UVRAG: variants seen among roughly 807,000 people sequenced by gnomAD.
UVRAG encodes the protein UV radiation resistance-associated gene protein.
In UVRAG, 19 loss-of-function variants were observed where a neutral mutation model predicts 78.0. The observed-to-expected ratio is 0.24, with a 90% confidence interval of 0.17 to 0.36. The LOEUF is 0.36. Ranked by LOEUF, UVRAG falls within the 10% of genes least tolerant of loss-of-function variation. The pLI is 1.00. For missense variants in UVRAG, 740 were observed against 853.8 expected, an observed-to-expected ratio of 0.87 and a Z score of 1.66; for synonymous variants, 323 against 324.6, an observed-to-expected ratio of 1.00 and a Z score of 0.05.
At chr11:76,040,933 T>C (rs1950637643) in intron 12 of UVRAG, among the ~76,000 whole-genome samples, 1 of 152,094 alleles carries the variant, frequency 6.6e-6, no homozygotes, top group Admixed American at 6.6e-5. Context: ...GAGGGTTTGG[T>C]TGAAGTTACT....
At chr11:76,002,894 G>A (rs1173896118) in intron 8 of UVRAG, among the ~76,000 whole-genome samples, 1 of 152,064 alleles carries the variant, frequency 6.6e-6, no homozygotes, top group Non-Finnish European at 1.5e-5. Flanking sequence ...TGGACAACAT[G>A]GTGAAACCCT....
chr11:75,887,363 CA>C (rs1415403153), intron 4 of UVRAG, among the ~76,000 whole-genome samples: 1 of 150,952 alleles, frequency 6.6e-6, no homozygotes, highest in East Asian at 2.0e-4. Context: ...CCAGGCTGGT[CA>C]CAAACTGCTG....
At chr11:76,116,926 C>G (rs1952193186) in intron 14 of UVRAG, among the ~76,000 whole-genome samples, 1 of 152,154 alleles carries the variant, frequency 6.6e-6, no homozygotes, top group Admixed American at 6.5e-5. Context: ...GATGTCTGGT[C>G]TTAGATAGGA....
intron 13 of UVRAG, among the ~76,000 whole-genome samples, chr11:76,115,209 C>G (rs1460818678): frequency 6.6e-6 from 1 of 152,182 alleles, no homozygotes; most frequent in African/African-American, 2.4e-5. Context: ...CAGAAGGACA[C>G]TTAATTTTAG....
At chr11:75,938,961 C>T (rs1380546298) in intron 6 of UVRAG, among the ~76,000 whole-genome samples, 1 of 152,108 alleles carries the variant, frequency 6.6e-6, no homozygotes, top group Non-Finnish European at 1.5e-5. Context: ...ACTCTGAAGC[C>T]TGGAAACTTT....
In UVRAG at chr11:76,140,758, G is replaced by A; in HGVS notation, c.1445G>A (p.Ser482Asn). ...GCAATCCCTGTTCCTAAGAGACAAA[G>A]CTCCATATTTGGGGGTGCAGATGTA... is the stretch of plus-strand genomic sequence containing the variant. Reference protein sequence around the residue: ...SSAIPVPKRQSSIFGGADVGF... With the variant: ...SSAIPVPKRQNSIFGGADVGF... Residue 482 changes from serine to asparagine, a missense_variant, in exon 15 of 15, where the codon AGC becomes AAC. By Grantham distance (46) the Ser-to-Asn change is conservative (BLOSUM62 1). Transcript: ENST00000356136. The A allele has an allele frequency of 1.9e-6, 3 of 1,610,816 alleles. No homozygotes were observed. The highest frequency in any genetic ancestry group is 2.5e-6 in the Non-Finnish European group (3 of 1,178,894).
chr11:75,991,309 C>T (rs146573833), intron 8 of UVRAG, among the ~76,000 whole-genome samples: 1 of 152,244 alleles, frequency 6.6e-6, no homozygotes, highest in East Asian at 1.9e-4. Flanking sequence ...ACATTGCCTG[C>T]TATCTGTGGC....
At chr11:75,936,958 G>T (rs996162374) in intron 6 of UVRAG, among the ~76,000 whole-genome samples, 1 of 152,150 alleles carries the variant, frequency 6.6e-6, no homozygotes, top group Admixed American at 6.5e-5. Flanking sequence ...GTCTTGCTAT[G>T]TTGCCCAGGC....
At chr11:75,891,975 A>G (rs1947221492) in intron 5 of UVRAG, among the ~76,000 whole-genome samples, 1 of 152,216 alleles carries the variant, frequency 6.6e-6, no homozygotes, top group Non-Finnish European at 1.5e-5. Context: ...TTTATTACTA[A>G]TAAAACTGAT....
chr11:75,967,087 A>G (rs1843845540), intron 7 of UVRAG, among the ~76,000 whole-genome samples: 2 of 152,198 alleles, frequency 1.3e-5, no homozygotes, highest in South Asian at 4.1e-4. Context: ...TTGGTTGTTT[A>G]TGCCAAGTTC....
intron 8 of UVRAG, 37 bp from the exon 9 acceptor site, chr11:76,003,968 G>A (rs908727778): frequency 2.5e-6 from 4 of 1,572,804 alleles, no homozygotes; most frequent in Admixed American, 1.7e-5. Flanking sequence ...GTAATCCTAT[G>A]TTACATATGG....
chr11:75,842,766 C>T (rs997271036), intron 1 of UVRAG, among the ~76,000 whole-genome samples: 6 of 152,118 alleles, frequency 3.9e-5, no homozygotes, highest in Non-Finnish European at 7.4e-5. Context: ...ATCCTTTGCC[C>T]CTTTTTCGTT....
intron 6 of UVRAG, among the ~76,000 whole-genome samples, chr11:75,930,533 A>G (rs545986308): frequency 1.2e-4 from 18 of 152,240 alleles, no homozygotes; most frequent in Non-Finnish European, 2.2e-4. Flanking sequence ...TATAGAGCAG[A>G]CAGAAAAAGT....
chr11:75,930,927 TTTTCTTTCTTTCTTTCTTTCTTTCTTTC>T (rs61014857), intron 6 of UVRAG: 8 of 117,404 alleles, frequency 6.8e-5, no homozygotes, highest in African/African-American at 1.6e-4. Context: ...AGTGTCGGGA[TTTTCTTTCTTTCTTTCTTTCTTTCTTTC>T]TTTCTTTCTT....
chr11:76,051,630 T>C (rs1203042974), intron 12 of UVRAG, among the ~76,000 whole-genome samples: 1 of 152,202 alleles, frequency 6.6e-6, no homozygotes, highest in African/African-American at 2.4e-5. Flanking sequence ...TCCCTGAAAT[T>C]CCATTCTTTT....
intron 6 of UVRAG, among the ~76,000 whole-genome samples, chr11:75,956,388 C>CTTTTTTT (rs1319171839): frequency 0.013 from 1,644 of 128,484 alleles, 43 homozygotes; most frequent in African/African-American, 0.045. Context: ...CAATTCTTGC[C>CTTTTTTT]TTTTTTTTTT....
intron 11 of UVRAG, among the ~76,000 whole-genome samples, chr11:76,014,165 A>G (rs1415007135): frequency 2.6e-5 from 4 of 152,208 alleles, no homozygotes; most frequent in Non-Finnish European, 5.9e-5. Flanking sequence ...ACTTTTGGTT[A>G]TTTTAATAGA....
chr11:75,938,847 A>G (rs1948429622), intron 6 of UVRAG, among the ~76,000 whole-genome samples: 1 of 152,140 alleles, frequency 6.6e-6, no homozygotes, highest in African/African-American at 2.4e-5. Flanking sequence ...TGTCTTCTTC[A>G]GTACTGTGCC....
intron 13 of UVRAG, among the ~76,000 whole-genome samples, chr11:76,092,538 C>T (rs1188866948): frequency 1.3e-5 from 2 of 152,114 alleles, no homozygotes; most frequent in African/African-American, 2.4e-5. Context: ...TTCTAATTGG[C>T]GTGAGATGGT....
Sources: allele counts gnomAD v4.1 joint callset (sites outside exome capture counted in the v4.1 genomes callset), GRCh38; gene constraint gnomAD v4.1.1; transcripts MANE v1.5; gene names NCBI Gene and HGNC (gene_info 2026-07-23, HGNC 2026-07-21).